The following YTHDC2 variants were observed in gnomAD, a reference collection of about 807,000 sequenced individuals.
YTHDC2 encodes 3'-5' RNA helicase YTHDC2.
A neutral mutation model predicts 174.9 loss-of-function variants in YTHDC2; 45 were observed. That is an observed-to-expected ratio of 0.26 (90% CI 0.20 to 0.33). The LOEUF is 0.33. YTHDC2 is among the 10% of genes least tolerant of loss of function. YTHDC2 has a pLI of 1.00. For synonymous variants in YTHDC2, 657 were observed against 574.5 expected (o/e 1.14, Z -2.05); for missense variants, 1,650 against 1,723.7 (o/e 0.96, Z 0.76).
At chr5:113,515,216 C>A in intron 1 of YTHDC2, 56 bp from the exon 2 acceptor site, 1 of 1,335,506 alleles carries the variant, frequency 7.5e-7, no homozygotes, top group Non-Finnish European at 1.1e-6. Context: ...GTGTGTTTTA[C>A]TTGAGAGAAA....
At chr5:113,578,653 T>C (rs991164636) in intron 23 of YTHDC2, among the ~76,000 whole-genome samples, 6 of 152,296 alleles carry the variant, frequency 3.9e-5, no homozygotes, top group Admixed American at 1.3e-4. Flanking sequence ...TGTGTGCTTG[T>C]ACATATTCCG....
In YTHDC2 at chr5:113,580,434, G is replaced by C. The variant is rs76453437; in HGVS notation, c.3354+739G>C. 1.9e-3 allele frequency among the ~76,000 whole-genome samples: 290 copies of C among 152,240 alleles called. 2 individuals carry two copies. Among genetic ancestry groups the C allele is most frequent in the African/African-American group, 6.7e-3 (277 of 41,544 alleles). ...CTGAATTGGGGGTTTGAGGGAGGATGAATGTTTCTTTTCAAATTACAAATT... is the reference window on the plus strand; with the variant it reads ...CTGAATTGGGGGTTTGAGGGAGGATCAATGTTTCTTTTCAAATTACAAATT... On this transcript the variant is annotated intron_variant, in intron 24 of 29. Coordinates refer to ENST00000161863, the MANE Select transcript of YTHDC2 (RefSeq NM_022828.5).
intron 23 of YTHDC2, 108 bp downstream of exon 23, chr5:113,567,957 A>C: frequency 1.2e-6 from 1 of 856,778 alleles, no homozygotes; most frequent in Non-Finnish European, 1.7e-6. Flanking sequence ...AGATTTATAT[A>C]GTAGCAGCTC....
rs1217391217 is a variant in YTHDC2, at chr5:113,513,713, T to A, written c.-183T>A. 8 of 660,816 alleles carry A rather than the reference T, an allele frequency of 1.2e-5. No homozygotes were observed. In the East Asian group the frequency reaches 2.7e-4, roughly 22 times the overall value. The allele number at this position is 660,816 out of a possible 1,614,324, so 40.9% of individuals were successfully genotyped here. A position where few individuals can be genotyped will look rare whatever the true frequency, so the allele number is the denominator to read the frequency against. The stretch of plus-strand genomic sequence containing the variant: ...GCCCGCGCTCCTCGCCTGGCCGTGA[T>A]ATCAATGGCGCAGGCTTCACTTCTG... On this transcript the variant is annotated 5_prime_UTR_variant, in exon 1 of 30. Transcript: ENST00000161863.
chr5:113,579,193 T>A (rs1778245022), intron 23 of YTHDC2, among the ~76,000 whole-genome samples: 1 of 152,118 alleles, frequency 6.6e-6, no homozygotes, highest in South Asian at 2.1e-4. Flanking sequence ...CTGTATACTT[T>A]TTCTTTTTAA....
At chr5:113,565,869 T>C (rs1158078666) in intron 20 of YTHDC2, 24 bp from the exon 21 acceptor site, 17 of 1,606,706 alleles carry the variant, frequency 1.1e-5, no homozygotes, top group Non-Finnish European at 1.3e-5. Context: ...TGTGTCTTGT[T>C]ATGCAATTAT....
intron 10 of YTHDC2, among the ~76,000 whole-genome samples, chr5:113,544,446 G>T (rs1192895126): frequency 6.6e-6 from 1 of 152,132 alleles, no homozygotes; most frequent in Admixed American, 6.6e-5. Flanking sequence ...ACCACACCCA[G>T]CCCAAATAAT....
At chr5:113,546,277 T>C (rs926463885) in intron 10 of YTHDC2, among the ~76,000 whole-genome samples, 3 of 152,218 alleles carry the variant, frequency 2.0e-5, no homozygotes, top group Non-Finnish European at 4.4e-5. Flanking sequence ...ATTTCTTTAG[T>C]GAATACTAGA....
intron 23 of YTHDC2, among the ~76,000 whole-genome samples, chr5:113,574,848 A>T (rs1440309712): frequency 6.6e-6 from 1 of 151,948 alleles, no homozygotes; most frequent in African/African-American, 2.4e-5. Flanking sequence ...CTCTGCCAAC[A>T]CTCCACACAG....
chr5:113,575,322 G>T (rs941222639), intron 23 of YTHDC2, among the ~76,000 whole-genome samples: 1 of 152,116 alleles, frequency 6.6e-6, no homozygotes, highest in African/African-American at 2.4e-5. Context: ...AGACATTGAA[G>T]GTATAACAGT....
At position 113,513,930 on chromosome 5, in the gene YTHDC2, C is replaced by A; in HGVS notation, c.35C>A (p.Pro12Gln). The A allele has an allele frequency of 6.2e-7, 1 of 1,605,506 alleles. No individual in the cohort carries two copies. Among genetic ancestry groups the A allele is most frequent in the East Asian group, 2.2e-5 (1 of 44,592 alleles). Residue 12 changes from proline (P) to glutamine (Q), a missense_variant, in exon 1 of 30, where the codon CCG becomes CAG. This residue lies in a region of YTHDC2 where 304 missense variants were observed against 341.4 expected (regional missense o/e 0.89). Coordinates refer to ENST00000161863, the MANE Select transcript of YTHDC2 (RefSeq NM_022828.5). Reference sequence around the variant, plus strand: ...CCGAGCAGCGTCTCCCCGCGGCAGCCGGCTCCTGGCGGTGGCGGAGGCGGC... The same window carrying A: ...CCGAGCAGCGTCTCCCCGCGGCAGCAGGCTCCTGGCGGTGGCGGAGGCGGC... ...SRPSSVSPRQ[P>Q]APGGGGGGGP...
Position 113,574,974 on chromosome 5 carries a change from G to A in YTHDC2, c.3245-4612G>A, listed in dbSNP as rs192424688. On this transcript the variant is annotated intron_variant, in intron 23 of 29. Coordinates refer to ENST00000161863, the MANE Select transcript of YTHDC2 (RefSeq NM_022828.5). ...ATCACTCACTGCTTCCCTTGGCTGGGGGTGAGGGTTCCTTTTGCTCTGTGC... is the reference window on the plus strand; with the variant it reads ...ATCACTCACTGCTTCCCTTGGCTGGAGGTGAGGGTTCCTTTTGCTCTGTGC... Among the ~76,000 whole-genome samples the A allele has an allele frequency of 3.9e-5, 6 of 152,304 alleles. No individual in the cohort carries two copies. In the East Asian group the frequency reaches 1.2e-3, roughly 29 times the overall value.
intron 10 of YTHDC2, among the ~76,000 whole-genome samples, chr5:113,546,194 T>A (rs1423762316): frequency 1.3e-5 from 2 of 152,248 alleles, no homozygotes; most frequent in African/African-American, 2.4e-5. Flanking sequence ...ATTTAAATTC[T>A]GAAAACAGTG....
intron 26 of YTHDC2, among the ~76,000 whole-genome samples, chr5:113,589,828 C>G (rs763848055): frequency 1.3e-5 from 2 of 152,138 alleles, no homozygotes; most frequent in Non-Finnish European, 2.9e-5. Context: ...ATAACAGATG[C>G]TTTAACATTC....
Position 113,514,083 on chromosome 5 carries a change from G to C in YTHDC2, c.187+1G>C. The C allele has an allele frequency of 6.2e-7, 1 of 1,610,962 alleles. No homozygotes were observed. The highest frequency in any genetic ancestry group is 8.5e-7 in the Non-Finnish European group (1 of 1,178,840). On this transcript the variant is annotated splice_donor_variant, in intron 1 of 29. Coordinates refer to ENST00000161863, the MANE Select transcript of YTHDC2 (RefSeq NM_022828.5). LOFTEE classifies it high-confidence loss of function. ...CGCTTCCGATACGGGGACCAGAGAG[G>C]TGAGGTTCCGGACAGGGACCATGCT...
intron 25 of YTHDC2, chr5:113,583,461 C>T (rs1778509776): frequency 6.6e-6 from 1 of 151,680 alleles, no homozygotes; most frequent in African/African-American, 2.4e-5. Context: ...ATTTCTATAC[C>T]CTATGTATCT....
intron 2 of YTHDC2, among the ~76,000 whole-genome samples, chr5:113,519,058 A>G (rs1773681914): frequency 6.7e-6 from 1 of 149,692 alleles, no homozygotes; most frequent in Non-Finnish European, 1.5e-5. Flanking sequence ...TTTTTTTTAG[A>G]GATGGGGTCT....
chr5:113,546,410 T>C (rs1344589850), intron 10 of YTHDC2, among the ~76,000 whole-genome samples: 1 of 152,218 alleles, frequency 6.6e-6, no homozygotes, highest in Admixed American at 6.5e-5. Flanking sequence ...AAAACTAAAA[T>C]GTTACAGTAG....
intron 5 of YTHDC2, 45 bp downstream of exon 5, chr5:113,533,090 AAG>A: frequency 6.3e-7 from 1 of 1,597,648 alleles, no homozygotes; most frequent in Non-Finnish European, 8.5e-7. Context: ...ATGCTTAAAA[AAG>A]ACTATGTATA....
Sources: gnomAD v4.1 joint callset for allele counts (sites outside exome capture counted in the v4.1 genomes callset) on GRCh38, gnomAD v4.1.1 for gene constraint, gnomAD v4.1.1 regional missense constraint, MANE v1.5 for transcripts, NCBI Gene and HGNC (gene_info 2026-07-23, HGNC 2026-07-21) for gene names.